The following CADM4 variants were observed in gnomAD, a reference collection of about 807,000 sequenced individuals.
The protein encoded by CADM4 is cell adhesion molecule 4, also known as TSLC1-like 2.
In CADM4, 13 loss-of-function variants were observed where a neutral mutation model predicts 43.9. The ratio of observed to expected loss-of-function variants is 0.30; its 90% CI spans 0.19 to 0.47. The LOEUF (loss-of-function observed/expected upper bound fraction) is 0.47, where lower values mean the gene tolerates loss of function less well. Ranked by LOEUF, CADM4 falls within the 20% of genes least tolerant of loss-of-function variation. The pLI is 1.00. For synonymous variants in CADM4, 209 were observed against 220.9 expected (o/e 0.95, Z 0.48); for missense variants, 420 against 527.0 (o/e 0.80, Z 1.99).
chr19:43,639,429 C>G (rs962711884), intron 1 of CADM4, among the ~76,000 whole-genome samples: 3 of 150,510 alleles, frequency 2.0e-5, no homozygotes, highest in African/African-American at 7.3e-5. Flanking sequence ...GACAGAAGGA[C>G]AGCGGGACCG....
chr19:43,635,781 T>C (rs1195039004), intron 1 of CADM4, among the ~76,000 whole-genome samples: 93 of 63,446 alleles, frequency 1.5e-3, no homozygotes, highest in African/African-American at 4.4e-3. Context: ...GAGTCTAAGA[T>C]CCCAGGCCCC....
In CADM4 at chr19:43,627,722, G is replaced by A. The variant is rs753225057; in HGVS notation, c.133C>T (p.Arg45Cys). ...AEGGVAEITC[R>C]LHQYDGSIVV... ...ATGGACCCATCATACTGGTGCAGAC[G>A]GCAGGTGATCTCAGCCACCCCACCC... is the stretch of plus-strand genomic sequence containing the variant. Residue 45 changes from arginine (R) to cysteine (C), a missense_variant, in exon 2 of 9, where the codon CGT becomes TGT. Coordinates refer to ENST00000222374, the MANE Select transcript of CADM4 (RefSeq NM_145296.2). This position sits in a 1 kb window ranked among gnomAD's most constrained non-coding sequence, Gnocchi z 4.0. 10 of 1,614,074 alleles carry A rather than the reference G, an allele frequency of 6.2e-6. No homozygotes were observed. The highest frequency in any genetic ancestry group is 2.2e-5 in the East Asian group (1 of 44,876).
chr19:43,639,866 C>T (rs1239285011), upstream of CADM4: 2 of 972,592 alleles, frequency 2.1e-6, no homozygotes, highest in Non-Finnish European at 2.4e-6. Flanking sequence ...CCCCGCCCCC[C>T]GCGCCCCGCC....
In CADM4 at chr19:43,625,224, C is replaced by G; in HGVS notation, c.782G>C (p.Gly261Ala). The stretch of plus-strand genomic sequence containing the variant: ...CGCCCTCTCCGGCAAAGACTCATTC[C>G]CGCGGTTCCAGCGGATCTGGTTTGG... Reference protein sequence around the residue: ...PRPNQIRWNRGNESLPERAEA... With the variant: ...PRPNQIRWNRANESLPERAEA... Residue 261 changes from glycine to alanine, a missense_variant, in exon 7 of 9, where the codon GGG (glycine) becomes GCG (alanine). Coordinates refer to ENST00000222374, the MANE Select transcript of CADM4 (RefSeq NM_145296.2). This position sits in a 1 kb window ranked among gnomAD's most constrained non-coding sequence, Gnocchi z 4.5. 1 of 1,614,192 alleles carries G rather than the reference C, an allele frequency of 6.2e-7. No homozygotes were observed. The highest frequency in any genetic ancestry group is 8.5e-7 in the Non-Finnish European group (1 of 1,180,004).
chr19:43,627,119 G>C lies in CADM4; in HGVS notation c.364+47C>G, dbSNP rs1973541670. On this transcript the variant is annotated intron_variant, in intron 3 of 8. Coordinates refer to ENST00000222374, the MANE Select transcript of CADM4 (RefSeq NM_145296.2). The surrounding 1 kb of genome is among the most constrained non-coding windows in gnomAD (Gnocchi z 4.0). The stretch of plus-strand genomic sequence containing the variant: ...AAAGTCTCAGGAGAAGAGAGAAGCA[G>C]AGAAGAAAGGAGGAGAGGATGCGTC... 3.9e-6 allele frequency: 6 copies of C among 1,521,180 alleles called. No homozygotes were observed. Among genetic ancestry groups the C allele is most frequent in the Non-Finnish European group, 4.4e-6 (5 of 1,130,794 alleles). The allele number at this position is 1,521,180 out of a possible 1,614,324, so 94.2% of individuals were successfully genotyped here.
Position 43,623,991 on chromosome 19 carries a change from G to C in CADM4, c.1057+123C>G. On this transcript the variant is annotated intron_variant, in intron 8 of 8. Transcript: ENST00000222374. The surrounding 1 kb of genome is among the most constrained non-coding windows in gnomAD (Gnocchi z 4.4). ...CGCCCCCTTTGTCATCTCCGCCCCC[G>C]GTGCGGCGGGATTTGGAATCCAGAG... The C allele has an allele frequency of 8.2e-7, 1 of 1,222,440 alleles. No homozygotes were observed. Among genetic ancestry groups the C allele is most frequent in the Non-Finnish European group, 1.1e-6 (1 of 871,360 alleles). 75.7% of individuals were successfully genotyped at this position (1,222,440 alleles called of 1,614,324 possible).
In CADM4 at chr19:43,623,373, T is replaced by C; in HGVS notation, c.1124A>G (p.Asn375Ser). 1.2e-6 allele frequency: 2 copies of C among 1,614,048 alleles called. No homozygotes were observed. The highest frequency in any genetic ancestry group is 1.1e-5 in the South Asian group (1 of 91,086). Reference sequence around the variant, plus strand: ...TTTCCTCTTGTGTCCGTCGCTGCCATTGAGGAAGGCTTCTCTTGCTTCTCC... The same window carrying C: ...TTTCCTCTTGTGTCCGTCGCTGCCACTGAGGAAGGCTTCTCTTGCTTCTCC... ...EQGEAREAFL[N>S]GSDGHKRKEE... Residue 375 changes from asparagine (N) to serine (S), a missense_variant, in exon 9 of 9, where the codon AAT (asparagine) becomes AGT (serine). Transcript: ENST00000222374. This position sits in a 1 kb window ranked among gnomAD's most constrained non-coding sequence, Gnocchi z 4.4.
At chr19:43,633,071 CAAAAAAAAA>C (rs1167707172) in intron 1 of CADM4, among the ~76,000 whole-genome samples, 2 of 56,992 alleles carry the variant, frequency 3.5e-5, no homozygotes, top group Admixed American at 3.6e-4. Context: ...GACTCTGTCT[CAAAAAAAAA>C]AAAAAAAAAA....
intron 1 of CADM4, among the ~76,000 whole-genome samples, chr19:43,628,438 A>C (rs1285631635): frequency 6.6e-6 from 1 of 151,838 alleles, no homozygotes; most frequent in African/African-American, 2.4e-5. Context: ...CTGTCTCAAA[A>C]AAAAAAAGAA....
At chr19:43,640,971 CT>C (rs1973765885), upstream of CADM4, among the ~76,000 whole-genome samples, 1 of 132,980 alleles carries the variant, frequency 7.5e-6, no homozygotes, top group East Asian at 2.7e-4. Flanking sequence ...TCCTTCCCCC[CT>C]CCCCCCTCCC....
In CADM4 at chr19:43,627,519, C is replaced by G. The variant is rs745777575; in HGVS notation, c.211+125G>C. The G allele has an allele frequency of 9.0e-5, 115 of 1,280,732 alleles. 1 individual carries two copies. Among genetic ancestry groups the G allele is most frequent in the Non-Finnish European group, 1.2e-4 (112 of 942,304 alleles). The allele number at this position is 1,280,732 out of a possible 1,614,324, so 79.3% of individuals were successfully genotyped here. Reference sequence around the variant, plus strand: ...CCTGCAGGACCAGCAGTCCGGGACCCCAGCCCTTTCTTCTCCGAGACCCAG... The same window carrying G: ...CCTGCAGGACCAGCAGTCCGGGACCGCAGCCCTTTCTTCTCCGAGACCCAG... On this transcript the variant is annotated intron_variant, in intron 2 of 8. Coordinates refer to ENST00000222374, the MANE Select transcript of CADM4 (RefSeq NM_145296.2). This position sits in a 1 kb window ranked among gnomAD's most constrained non-coding sequence, Gnocchi z 4.0.
At chr19:43,634,712 T>A (rs1290541790) in intron 1 of CADM4, among the ~76,000 whole-genome samples, 1 of 151,712 alleles carries the variant, frequency 6.6e-6, no homozygotes, top group Non-Finnish European at 1.5e-5. Flanking sequence ...ATGGGGATGG[T>A]GCTTGGAAAA....
chr19:43,626,790 G>A lies in CADM4; in HGVS notation c.493C>T (p.Leu165=). The A allele has an allele frequency of 6.3e-7, 1 of 1,591,906 alleles. No homozygotes were observed. Among genetic ancestry groups the A allele is most frequent in the Non-Finnish European group, 8.6e-7 (1 of 1,166,732 alleles). Residue 165 remains leucine, a synonymous_variant, in exon 4 of 9, where the codon CTG becomes TTG. Coordinates refer to ENST00000222374, the MANE Select transcript of CADM4 (RefSeq NM_145296.2). The surrounding 1 kb of genome is among the most constrained non-coding windows in gnomAD (Gnocchi z 5.9). ...AGCACTCGGCCCAGGGTACCTTTCA[G>A]CTCCTTGCGGTCCCGGTACCAGCGC... ...TLRWYRDRKE[L]KGVSSSQENG... is the part of the protein sequence containing the mutation.
At position 43,627,130 on chromosome 19, in the gene CADM4, A is replaced by C; in HGVS notation, c.364+36T>G. 6.5e-7 allele frequency: 1 copy of C among 1,530,650 alleles called. No individual in the cohort carries two copies. Among genetic ancestry groups the C allele is most frequent in the Non-Finnish European group, 8.8e-7 (1 of 1,135,536 alleles). 94.8% of individuals were successfully genotyped at this position (1,530,650 alleles called of 1,614,324 possible). A position where few individuals can be genotyped will look rare whatever the true frequency, so the allele number is the denominator to read the frequency against. On this transcript the variant is annotated intron_variant, in intron 3 of 8. Coordinates refer to ENST00000222374, the MANE Select transcript of CADM4 (RefSeq NM_145296.2). This position sits in a 1 kb window ranked among gnomAD's most constrained non-coding sequence, Gnocchi z 4.0. ...AGAAGAGAGAAGCAGAGAAGAAAGG[A>C]GGAGAGGATGCGTCTGACAAGGGGG...
At chr19:43,640,418 G>A (rs1973760879), upstream of CADM4, among the ~76,000 whole-genome samples, 1 of 151,812 alleles carries the variant, frequency 6.6e-6, no homozygotes. Context: ...GCTGCAGCTG[G>A]AGGTCCGGAG....
At chr19:43,634,927 C>A (rs1351524006) in intron 1 of CADM4, among the ~76,000 whole-genome samples, 1 of 151,980 alleles carries the variant, frequency 6.6e-6, no homozygotes, top group African/African-American at 2.4e-5. Context: ...TCTCAGGTTC[C>A]CGAAATCCAG....
At position 43,625,114 on chromosome 19, in the gene CADM4, C is replaced by T; in HGVS notation, c.892G>A (p.Gly298Ser). The change falls in exon 7 of 9, where the codon GGC becomes AGC. Residue 298 changes from glycine (G) to serine (S), a missense_variant. Transcript: ENST00000222374. This position sits in a 1 kb window ranked among gnomAD's most constrained non-coding sequence, Gnocchi z 4.5. ...TYTCEASNKH[G>S]HARALYVLVV... Reference sequence around the variant, plus strand: ...AGTACGTAGAGCGCCCTCGCATGGCCGTGCTTATTGGACGCCTCGCAAGTG... The same window carrying T: ...AGTACGTAGAGCGCCCTCGCATGGCTGTGCTTATTGGACGCCTCGCAAGTG... 3 of 1,613,598 alleles carry T rather than the reference C, an allele frequency of 1.9e-6. No individual in the cohort carries two copies. The highest frequency in any genetic ancestry group is 2.5e-6 in the Non-Finnish European group (3 of 1,179,780).
rs79700174 is a variant in CADM4, at chr19:43,630,591, C to T, written c.65-2801G>A. On this transcript the variant is annotated intron_variant, in intron 1 of 8. Transcript: ENST00000222374. ...GAGCTATCGTGTCCTGCTCCCATTC[C>T]CATTTTATAGGTGAGAAAATTGGCC... Among the ~76,000 whole-genome samples the T allele has an allele frequency of 3.6e-3, 544 of 152,206 alleles. 1 individual carries two copies. Among genetic ancestry groups the T allele is most frequent in the Non-Finnish European group, 5.9e-3 (400 of 68,004 alleles).
At position 43,627,735 on chromosome 19, in the gene CADM4, A is replaced by G. The variant is rs1177584912; in HGVS notation, c.120T>C (p.Ala40=). ...ACTGGTGCAGACGGCAGGTGATCTCAGCCACCCCACCCTCAGCCACTGTCA... is the reference window on the plus strand; with the variant it reads ...ACTGGTGCAGACGGCAGGTGATCTCGGCCACCCCACCCTCAGCCACTGTCA... The part of the protein sequence containing the change: ...ENVTVAEGGV[A]EITCRLHQYD... The change falls in exon 2 of 9, where the codon GCT becomes GCC. Residue 40 remains alanine (A), a synonymous_variant. Transcript: ENST00000222374. The surrounding 1 kb of genome is among the most constrained non-coding windows in gnomAD (Gnocchi z 4.0). 3 of 1,613,764 alleles carry G rather than the reference A, an allele frequency of 1.9e-6. No homozygotes were observed. The highest frequency in any genetic ancestry group is 2.5e-6 in the Non-Finnish European group (3 of 1,179,810).
Sources: gnomAD v4.1 joint callset for allele counts (sites outside exome capture counted in the v4.1 genomes callset) on GRCh38, gnomAD v4.1.1 for gene constraint, Gnocchi (gnomAD v3.1) non-coding constraint, MANE v1.5 for transcripts, NCBI Gene and HGNC (gene_info 2026-07-23, HGNC 2026-07-21) for gene names.